Variants in ACTR3C observed in about 807,000 individuals in gnomAD.
ACTR3C encodes the protein actin-related protein 3C.
ACTR3C carries 18 observed loss-of-function variants against 26.3 expected under a neutral mutation model. That is an observed-to-expected ratio of 0.68 (90% CI 0.47 to 1.01). ACTR3C has a LOEUF of 1.01. ACTR3C is among the 50% of genes least tolerant of loss of function. The pLI, the probability that ACTR3C is intolerant of heterozygous loss-of-function variation, is 0.00. For missense variants in ACTR3C, 184 were observed against 250.7 expected, an observed-to-expected ratio of 0.73 and a Z score of 1.80; for synonymous variants, 55 against 94.5, an observed-to-expected ratio of 0.58 and a Z score of 2.42.
the ACTR3C span, among the ~76,000 whole-genome samples, chr7:150,041,669 G>A: frequency 6.0e-5 from 8 of 134,422 alleles, no homozygotes; most frequent in South Asian, 5.1e-4. Context: ...AGCAACAGCC[G>A]GGGGTGGAAG....
chr7:149,948,656 A>T, the ACTR3C span, among the ~76,000 whole-genome samples: 1 of 150,464 alleles, frequency 6.6e-6, no homozygotes, highest in African/African-American at 2.5e-5. Flanking sequence ...GTCAGGTGTG[A>T]GTCAGACGGG....
At chr7:150,195,696 T>C in the ACTR3C span, among the ~76,000 whole-genome samples, 1 of 152,190 alleles carries the variant, frequency 6.6e-6, no homozygotes. Context: ...CTGGCCAACA[T>C]GGTGAAACCT....
At chr7:149,952,314 C>A in the ACTR3C span, among the ~76,000 whole-genome samples, 1 of 143,936 alleles carries the variant, frequency 6.9e-6, no homozygotes, top group Non-Finnish European at 1.5e-5. Flanking sequence ...CCCCCCATTT[C>A]ATTGACTCTT....
At chr7:150,116,429 A>T in the ACTR3C span, among the ~76,000 whole-genome samples, 6 of 152,346 alleles carry the variant, frequency 3.9e-5, no homozygotes, top group African/African-American at 9.6e-5. Context: ...ATTTCTGGTA[A>T]TATTGTCTTG....
chr7:149,979,971 G>A, the ACTR3C span, among the ~76,000 whole-genome samples: 4 of 151,122 alleles, frequency 2.6e-5, no homozygotes, highest in Admixed American at 6.6e-5. Context: ...AATTTGCCCT[G>A]GGACCAAGCT....
At chr7:149,967,399 T>C in the ACTR3C span, among the ~76,000 whole-genome samples, 1,134 of 152,200 alleles carry the variant, frequency 7.5e-3, 16 homozygotes, top group African/African-American at 0.026. Context: ...CTCAAACGCC[T>C]GGGCTGAAGC....
At chr7:150,115,050 C>T in the ACTR3C span, among the ~76,000 whole-genome samples, 2 of 152,112 alleles carry the variant, frequency 1.3e-5, no homozygotes, top group Non-Finnish European at 2.9e-5. Flanking sequence ...TGCCAAATCC[C>T]ACGTCTAGGA....
At chr7:150,251,509 A>G (rs2129609269) in intron 6 of ACTR3C, among the ~76,000 whole-genome samples, 1 of 152,260 alleles carries the variant, frequency 6.6e-6, no homozygotes, top group Admixed American at 6.5e-5. Context: ...GTTGCTATAG[A>G]TTTTCTCTAT....
At chr7:150,163,384 A>ATGTG in the ACTR3C span, among the ~76,000 whole-genome samples, 1 of 148,702 alleles carries the variant, frequency 6.7e-6, no homozygotes, top group African/African-American at 2.5e-5. Flanking sequence ...ATATGTGTGT[A>ATGTG]TGTGTGTGTG....
At chr7:150,034,215 T>G in the ACTR3C span, among the ~76,000 whole-genome samples, 294 of 152,012 alleles carry the variant, frequency 1.9e-3, no homozygotes, top group African/African-American at 6.8e-3. Flanking sequence ...GCAGGGCAGT[T>G]GCTGCCAAGG....
chr7:150,291,573 G>A (rs534997516), intron 3 of ACTR3C, among the ~76,000 whole-genome samples: 1 of 152,184 alleles, frequency 6.6e-6, no homozygotes, highest in Non-Finnish European at 1.5e-5. Flanking sequence ...TATAGCTGGA[G>A]GAAAAACTGA....
chr7:150,288,217 G>A (rs1835936154), intron 4 of ACTR3C, among the ~76,000 whole-genome samples: 1 of 145,210 alleles, frequency 6.9e-6, no homozygotes, highest in Admixed American at 6.7e-5. Flanking sequence ...TAGTCACATC[G>A]AGCACATCAG....
the ACTR3C span, among the ~76,000 whole-genome samples, chr7:150,183,281 T>C: frequency 7.0e-6 from 1 of 142,218 alleles, no homozygotes; most frequent in East Asian, 2.0e-4. Flanking sequence ...CATTATGGAT[T>C]CTTTCCCTTT....
the ACTR3C span, among the ~76,000 whole-genome samples, chr7:150,201,139 G>A: frequency 6.6e-6 from 1 of 152,122 alleles, no homozygotes; most frequent in Non-Finnish European, 1.5e-5. Context: ...TTCTAACAGT[G>A]AGCCTTCTAT....
At chr7:149,996,686 T>C in the ACTR3C span, among the ~76,000 whole-genome samples, 238 of 151,052 alleles carry the variant, frequency 1.6e-3, no homozygotes, top group African/African-American at 5.4e-3. Flanking sequence ...TCCAGATTCA[T>C]ACATTTATTT....
chr7:149,993,180 C>T, the ACTR3C span, among the ~76,000 whole-genome samples: 4 of 146,786 alleles, frequency 2.7e-5, no homozygotes, highest in East Asian at 4.0e-4. Context: ...CTGACTCAAA[C>T]GTCAGTCTCC....
At chr7:150,152,255 A>T in the ACTR3C span, among the ~76,000 whole-genome samples, 1 of 152,150 alleles carries the variant, frequency 6.6e-6, no homozygotes, top group Non-Finnish European at 1.5e-5. Context: ...TTGCCCATTC[A>T]GTATGATATT....
At chr7:149,929,425 CAAAAAA>C in the ACTR3C span, among the ~76,000 whole-genome samples, 2 of 49,128 alleles carry the variant, frequency 4.1e-5, no homozygotes, top group African/African-American at 1.8e-4. Flanking sequence ...AAGATTCTGT[CAAAAAA>C]AAAAAAAAAA....
chr7:150,173,240 G>A, the ACTR3C span, among the ~76,000 whole-genome samples: 2 of 148,962 alleles, frequency 1.3e-5, no homozygotes, highest in Non-Finnish European at 2.9e-5. Context: ...GGGCATCCAG[G>A]CATTTCCATA....
Sources: allele counts gnomAD v4.1 joint callset (sites outside exome capture counted in the v4.1 genomes callset), GRCh38; gene constraint gnomAD v4.1.1; transcripts MANE v1.5; gene names NCBI Gene and HGNC (gene_info 2026-07-23, HGNC 2026-07-21).